The following MYH11 variants were observed in gnomAD, a reference collection of about 807,000 sequenced individuals.
The protein encoded by MYH11 is myosin-11.
In MYH11, 80 loss-of-function variants were observed where a neutral mutation model predicts 246.6. That is an observed-to-expected ratio of 0.32 (90% CI 0.27 to 0.39). MYH11 has a LOEUF of 0.39. Ranked by LOEUF, MYH11 falls within the 10% of genes least tolerant of loss-of-function variation. The pLI is 1.00. For synonymous variants in MYH11, 1,071 were observed against 1,015.5 expected (o/e 1.05, Z -1.04); for missense variants, 2,158 against 2,546.8 (o/e 0.85, Z 3.29).
chr16:15,778,723 C>T (rs191327799), intron 7 of MYH11, 57 bp downstream of exon 7: 1 of 1,542,328 alleles, frequency 6.5e-7, no homozygotes, highest in Non-Finnish European at 9.0e-7. Flanking sequence ...AGCCTCTGGG[C>T]AGGAGATTGG....
chr16:15,729,011 C>T (rs2040881015), intron 27 of MYH11, among the ~76,000 whole-genome samples: 1 of 152,082 alleles, frequency 6.6e-6, no homozygotes, highest in Non-Finnish European at 1.5e-5. Flanking sequence ...ACCCACCACT[C>T]AGTCTTCCCA....
chr16:15,716,213 A>G (rs1206550084), intron 38 of MYH11, among the ~76,000 whole-genome samples: 1 of 152,036 alleles, frequency 6.6e-6, no homozygotes, highest in Non-Finnish European at 1.5e-5. Flanking sequence ...GATTATGGGC[A>G]TGAAATACCA....
chr16:15,748,254 C>T (rs2041474247), intron 16 of MYH11, 86 bp from the exon 17 acceptor site: 3 of 1,588,002 alleles, frequency 1.9e-6, no homozygotes, highest in African/African-American at 2.7e-5. Context: ...GGATGACCCA[C>T]CTGGCCAGGC....
At chr16:15,806,302 A>G (rs866474311) in intron 3 of MYH11, among the ~76,000 whole-genome samples, 2,684 of 128,878 alleles carry the variant, frequency 0.021, 146 homozygotes, top group African/African-American at 0.066. Context: ...AAAAAAAAAA[A>G]AAAAAAAAAA....
intron 1 of MYH11, among the ~76,000 whole-genome samples, chr16:15,848,293 C>T (rs215572): frequency 0.56 from 81,981 of 147,350 alleles, 24,518 homozygotes; most frequent in Non-Finnish European, 0.66. Flanking sequence ...AGTGCAGTGA[C>T]GCAATCTCAG....
chr16:15,745,942 G>C (rs900218839), intron 19 of MYH11, among the ~76,000 whole-genome samples: 2 of 151,574 alleles, frequency 1.3e-5, no homozygotes, highest in East Asian at 3.9e-4. Context: ...TCAGAGACAG[G>C]GTCTGGCTCT....
At chr16:15,733,222 T>G (rs1332590235) in intron 26 of MYH11, among the ~76,000 whole-genome samples, 1 of 152,082 alleles carries the variant, frequency 6.6e-6, no homozygotes, top group Non-Finnish European at 1.5e-5. Context: ...ACCTTGACCT[T>G]GAGTCCATGG....
intron 10 of MYH11, 33 bp downstream of exon 10, chr16:15,763,763 A>C: frequency 3.3e-6 from 2 of 597,154 alleles, no homozygotes; most frequent in Non-Finnish European, 6.1e-6. Flanking sequence ...CCAACCCCAA[A>C]GTCATTGGTC....
At chr16:15,797,346 A>C (rs950472520) in intron 4 of MYH11, among the ~76,000 whole-genome samples, 1 of 152,040 alleles carries the variant, frequency 6.6e-6, no homozygotes, top group Non-Finnish European at 1.5e-5. Context: ...GCTCTTTTTA[A>C]AGACACACAC....
chr16:15,725,149 A>C (rs550076836), intron 28 of MYH11, 157 bp from the exon 29 acceptor site: 32 of 575,984 alleles, frequency 5.6e-5, no homozygotes, highest in Non-Finnish European at 8.2e-5. Context: ...AAAAAAAAAA[A>C]CACACACACA....
chr16:15,748,976 C>A (rs72772029), intron 16 of MYH11, among the ~76,000 whole-genome samples: 2 of 151,908 alleles, frequency 1.3e-5, no homozygotes, highest in South Asian at 2.1e-4. Context: ...TGCTTTAACA[C>A]CCCCAATGGC....
At chr16:15,780,625 G>A (rs2042331454) in intron 6 of MYH11, among the ~76,000 whole-genome samples, 1 of 151,748 alleles carries the variant, frequency 6.6e-6, no homozygotes, top group Non-Finnish European at 1.5e-5. Flanking sequence ...TGGGAATACA[G>A]GCATGTGTCA....
At chr16:15,856,190 G>C (rs1453348374) in intron 1 of MYH11, among the ~76,000 whole-genome samples, 1 of 151,346 alleles carries the variant, frequency 6.6e-6, no homozygotes, top group South Asian at 2.1e-4. Flanking sequence ...GGGTATCTGG[G>C]GGCCCTTTGG....
intron 10 of MYH11, among the ~76,000 whole-genome samples, chr16:15,761,005 T>TA (rs2041855498): frequency 6.6e-6 from 1 of 152,230 alleles, no homozygotes; most frequent in African/African-American, 2.4e-5. Context: ...TTCTCAGCTT[T>TA]AAAAAGGGTC....
Position 15,708,726 on chromosome 16 carries a change from T to C in MYH11, c.5787-4603A>G, listed in dbSNP as rs375413331. The stretch of plus-strand genomic sequence containing the variant: ...ATGTGCAAGGGTTTAAAAATTGGGG[T>C]GGGCAGAGGGGCGCATTGGGCAGAA... On this transcript the variant is annotated intron_variant, in intron 40 of 40. Transcript: ENST00000300036. 9.1e-3 allele frequency: 13,197 copies of C among 1,452,414 alleles called. 84 individuals carry two copies. Among genetic ancestry groups the C allele is most frequent in the Middle Eastern group, 0.013 (75 of 5,686 alleles). 90.0% of individuals were successfully genotyped at this position (1,452,414 alleles called of 1,614,324 possible).
chr16:15,767,033 G>C (rs1371211413), intron 9 of MYH11, among the ~76,000 whole-genome samples: 1 of 152,124 alleles, frequency 6.6e-6, no homozygotes, highest in East Asian at 1.9e-4. Context: ...TCCGGGTCCA[G>C]ATACACATGG....
Position 15,792,304 on chromosome 16 carries a change from G to GC in MYH11, c.531-5573dup, listed in dbSNP as rs1378250107. On this transcript the variant is annotated intron_variant, in intron 4 of 40. Coordinates refer to ENST00000300036, the MANE Select transcript of MYH11 (RefSeq NM_002474.3). ...GGCCTCAGGCAATCCTCCTGCCTCGGCCCCCTAAAGTGTTGGGATTACAGG... is the reference window on the plus strand; with the variant it reads ...GGCCTCAGGCAATCCTCCTGCCTCGGCCCCCCTAAAGTGTTGGGATTACAGG... 5 of 152,002 alleles carry GC rather than the reference G, an allele frequency of 3.3e-5. No individual in the cohort carries two copies. In the South Asian group the frequency reaches 1.0e-3, roughly 32 times the overall value. The allele number at this position is 152,002 out of a possible 1,614,324, so 9.4% of individuals were successfully genotyped here. A position where few individuals can be genotyped will look rare whatever the true frequency, so the allele number is the denominator to read the frequency against.
chr16:15,841,658 G>T (rs114882738), intron 1 of MYH11, among the ~76,000 whole-genome samples: 1 of 152,198 alleles, frequency 6.6e-6, no homozygotes, highest in African/African-American at 2.4e-5. Context: ...TATGAGGAGA[G>T]GGACAGAGAC....
At chr16:15,789,624 T>G (rs72772068) in intron 4 of MYH11, among the ~76,000 whole-genome samples, 3 of 152,128 alleles carry the variant, frequency 2.0e-5, no homozygotes, top group African/African-American at 7.2e-5. Context: ...CCACTGGAAT[T>G]CTGCCATATA....
Sources: gnomAD v4.1 joint callset for allele counts (sites outside exome capture counted in the v4.1 genomes callset) on GRCh38, gnomAD v4.1.1 for gene constraint, MANE v1.5 for transcripts, NCBI Gene and HGNC (gene_info 2026-07-23, HGNC 2026-07-21) for gene names.